Variants in SH3KBP1 observed in about 807,000 individuals in gnomAD.
The protein encoded by SH3KBP1 is SH3 domain containing kinase binding protein 1, also known as SH3 domain-containing kinase-binding protein 1.
In SH3KBP1, 8 loss-of-function variants were observed where a neutral mutation model predicts 50.1. That is an observed-to-expected ratio of 0.16 (90% CI 0.09 to 0.29). The LOEUF is 0.29. SH3KBP1 is among the 10% of genes least tolerant of loss of function. SH3KBP1 has a pLI of 1.00. For missense variants in SH3KBP1, 377 were observed against 535.2 expected, an observed-to-expected ratio of 0.70 and a Z score of 2.92; for synonymous variants, 227 against 218.6, an observed-to-expected ratio of 1.04 and a Z score of -0.34.
intron 1 of SH3KBP1, among the ~76,000 whole-genome samples, chrX:19,861,577 T>C (rs953807244): frequency 3.6e-5 from 4 of 111,537 alleles, no homozygotes; most frequent in African/African-American, 6.5e-5. Context: ...AGCCACTTAG[T>C]TCATCCCTAA....
chrX:19,866,350 C>T (rs995966446), intron 1 of SH3KBP1, among the ~76,000 whole-genome samples: 1 of 111,507 alleles, frequency 9.0e-6, no homozygotes, highest in Non-Finnish European at 1.9e-5. Flanking sequence ...AGACAGGGCA[C>T]GCGCTTTACA....
chrX:19,605,912 C>T (rs12013540), intron 9 of SH3KBP1, among the ~76,000 whole-genome samples: 26,660 of 111,292 alleles, frequency 0.24, 3,345 homozygotes, highest in African/African-American at 0.48. Context: ...AGATTTATTT[C>T]TAATGGCTAT....
chrX:19,800,056 T>C (rs1238294046), intron 2 of SH3KBP1, among the ~76,000 whole-genome samples: 1 of 111,048 alleles, frequency 9.0e-6, no homozygotes, highest in Admixed American at 9.6e-5. Flanking sequence ...TGGAGATTAT[T>C]TGAGACAGCT....
intron 2 of SH3KBP1, among the ~76,000 whole-genome samples, chrX:19,815,757 T>A (rs927536862): frequency 8.9e-6 from 1 of 111,926 alleles, no homozygotes; most frequent in Admixed American, 9.5e-5. Flanking sequence ...TCATACAGTG[T>A]GTAACATCTT....
intron 9 of SH3KBP1, among the ~76,000 whole-genome samples, chrX:19,606,220 T>C (rs1287326239): frequency 1.8e-5 from 2 of 112,258 alleles, no homozygotes; most frequent in Non-Finnish European, 3.8e-5. Context: ...ATTCTCATGA[T>C]TTTATGGATG....
At chrX:19,604,513 C>T (rs1569332450) in intron 9 of SH3KBP1, among the ~76,000 whole-genome samples, 1 of 112,091 alleles carries the variant, frequency 8.9e-6, no homozygotes, top group Non-Finnish European at 1.9e-5. Context: ...TCTGTCTACC[C>T]TAATCATCAC....
At chrX:19,717,629 T>C (rs2063946359) in intron 3 of SH3KBP1, among the ~76,000 whole-genome samples, 1 of 111,697 alleles carries the variant, frequency 9.0e-6, no homozygotes, top group Admixed American at 9.5e-5. Context: ...TTGTTGATGC[T>C]ATAGGGATGG....
intron 6 of SH3KBP1, among the ~76,000 whole-genome samples, chrX:19,682,403 G>A (rs1403543484): frequency 9.7e-6 from 1 of 102,984 alleles, no homozygotes; most frequent in East Asian, 3.0e-4. Context: ...AGAAGATAAA[G>A]GCCAGGAATC....
intron 5 of SH3KBP1, among the ~76,000 whole-genome samples, chrX:19,688,780 A>G (rs1309246275): frequency 8.9e-6 from 1 of 112,155 alleles, no homozygotes; most frequent in African/African-American, 3.2e-5. Context: ...TGTTAATTAA[A>G]TATTCAAACT....
Position 19,534,001 on chromosome X carries a change from ATCT to A in SH3KBP1, c.*2413_*2415del, listed in dbSNP as rs1248110930. On this transcript the variant is annotated 3_prime_UTR_variant, in exon 18 of 18. Transcript: ENST00000397821. Reference sequence around the variant, plus strand: ...ATTCTCACAAAATTTCATTTTAATCATCTTCTTTACAAAGCACAATACTTAAGA... The same window carrying A: ...ATTCTCACAAAATTTCATTTTAATCATCTTTACAAAGCACAATACTTAAGA... 5.4e-5 allele frequency: 6 copies of A among 111,748 alleles called. No homozygotes were observed. The highest frequency in any genetic ancestry group is 1.1e-4 in the Non-Finnish European group (6 of 53,167). The allele number at this position is 111,748 out of a possible 1,213,427, so 9.2% of individuals were successfully genotyped here.
intron 3 of SH3KBP1, among the ~76,000 whole-genome samples, chrX:19,735,890 ATT>A (rs1429821035): frequency 9.1e-6 from 1 of 109,771 alleles, no homozygotes; most frequent in East Asian, 2.9e-4. Flanking sequence ...TGACCGGCTA[ATT>A]TTTTTGTGTT....
intron 5 of SH3KBP1, among the ~76,000 whole-genome samples, chrX:19,685,657 A>G (rs1326286365): frequency 8.9e-6 from 1 of 111,943 alleles, no homozygotes; most frequent in Non-Finnish European, 1.9e-5. Flanking sequence ...TTTTGCAAAT[A>G]TCCCTGCTGG....
chrX:19,663,509 C>G (rs1335792062), intron 6 of SH3KBP1, among the ~76,000 whole-genome samples: 1 of 111,183 alleles, frequency 9.0e-6, no homozygotes, highest in Non-Finnish European at 1.9e-5. Context: ...GCTATAGGCT[C>G]CGCACAGAGA....
At chrX:19,645,021 G>GACC (rs1440785399) in intron 7 of SH3KBP1, among the ~76,000 whole-genome samples, 6 of 111,684 alleles carry the variant, frequency 5.4e-5, no homozygotes, top group African/African-American at 2.0e-4. Context: ...AGTTCAAGTG[G>GACC]TTAGGCCTCT....
In SH3KBP1 at chrX:19,643,248, C is replaced by T. The variant is rs184232948; in HGVS notation, c.802+2152G>A. ...GGAAATCATGGAAGAACAATTACCCCAGAATTTGCTCTTGACAACTGGAGA... is the reference window on the plus strand; with the variant it reads ...GGAAATCATGGAAGAACAATTACCCTAGAATTTGCTCTTGACAACTGGAGA... On this transcript the variant is annotated intron_variant, in intron 7 of 17. Coordinates refer to ENST00000397821, the MANE Select transcript of SH3KBP1 (RefSeq NM_031892.3). Among the ~76,000 whole-genome samples, 286 of 107,447 alleles carry T rather than the reference C, an allele frequency of 2.7e-3. 2 individuals are homozygous for T. The highest frequency in any genetic ancestry group is 9.4e-3 in the African/African-American group (273 of 29,050). 93.3% of individuals were successfully genotyped at this position (107,447 alleles called of 115,157 possible).
At chrX:19,852,636 GAAAAA>G (rs760707711) in intron 1 of SH3KBP1, among the ~76,000 whole-genome samples, 25 of 51,936 alleles carry the variant, frequency 4.8e-4, no homozygotes, top group African/African-American at 1.5e-3. Flanking sequence ...TAGCTGCACA[GAAAAA>G]AAAAAAAAAA....
At chrX:19,642,133 G>A (rs138553565) in intron 7 of SH3KBP1, among the ~76,000 whole-genome samples, 1,189 of 112,186 alleles carry the variant, frequency 0.011, 8 homozygotes, top group Admixed American at 0.016. Context: ...ATGAGCCACC[G>A]TGCATGGTGC....
At chrX:19,656,665 G>A (rs1380681307) in intron 6 of SH3KBP1, among the ~76,000 whole-genome samples, 2 of 111,853 alleles carry the variant, frequency 1.8e-5, no homozygotes, top group African/African-American at 3.3e-5. Flanking sequence ...AGGAGGCATC[G>A]TGGAGAATAT....
At chrX:19,713,157 C>T (rs759368618) in intron 3 of SH3KBP1, among the ~76,000 whole-genome samples, 3 of 111,111 alleles carry the variant, frequency 2.7e-5, no homozygotes, top group African/African-American at 6.5e-5. Context: ...CAGGAGACTG[C>T]AGTGAGCCAA....
Sources: allele counts gnomAD v4.1 joint callset (sites outside exome capture counted in the v4.1 genomes callset), GRCh38; gene constraint gnomAD v4.1.1; transcripts MANE v1.5; gene names NCBI Gene and HGNC (gene_info 2026-07-23, HGNC 2026-07-21).